CBL: variants seen among roughly 807,000 people sequenced by gnomAD.
CBL encodes the protein E3 ubiquitin-protein ligase CBL.
A neutral mutation model predicts 96.9 loss-of-function variants in CBL; 45 were observed. The ratio of observed to expected loss-of-function variants is 0.46; its 90% CI spans 0.37 to 0.60. The LOEUF is 0.60. Ranked by LOEUF, CBL falls within the 20% of genes least tolerant of loss-of-function variation. The probability of loss-of-function intolerance (pLI) is 0.00; values close to 1 mark genes in which losing one functional copy is unlikely to be tolerated. For synonymous variants in CBL, 420 were observed against 426.8 expected, an observed-to-expected ratio of 0.98 and a Z score of 0.20; for missense variants, 1,024 against 1,143.5, an observed-to-expected ratio of 0.90 and a Z score of 1.51.
chr11:119,292,506 C>T (rs1015932001), intron 12 of CBL, among the ~76,000 whole-genome samples: 6 of 151,734 alleles, frequency 4.0e-5, no homozygotes, highest in African/African-American at 1.2e-4. Context: ...CTGCAAGCTC[C>T]GCCTCCCGGG....
intron 1 of CBL, 31 bp downstream of exon 1, chr11:119,206,643 A>G (rs1035455462): frequency 7.1e-7 from 1 of 1,416,066 alleles, no homozygotes; most frequent in Non-Finnish European, 9.4e-7. Flanking sequence ...CCGCTGTTGC[A>G]GGGTGGGCGT....
Position 119,251,299 on chromosome 11 carries a change from C to T in CBL, c.443+18604C>T, listed in dbSNP as rs539733006. 2.6e-5 allele frequency among the ~76,000 whole-genome samples: 4 copies of T among 152,024 alleles called. 1 individual carries two copies. The South Asian group carries it at 6.2e-4, about 24-fold the overall frequency. On this transcript the variant is annotated intron_variant, in intron 2 of 15. Coordinates refer to ENST00000264033, the MANE Select transcript of CBL (RefSeq NM_005188.4). ...TTTTTCTCTTTAGAGTTGTGGACAC[C>T]GAGGCTCAGAGAGTTAGATTAACAT...
chr11:119,251,768 T>C (rs1470455754), intron 2 of CBL, among the ~76,000 whole-genome samples: 6 of 152,206 alleles, frequency 3.9e-5, no homozygotes, highest in Non-Finnish European at 5.9e-5. Flanking sequence ...TACGGTATTA[T>C]AGAGAAGTAG....
At chr11:119,231,231 C>G (rs1261790735) in intron 1 of CBL, among the ~76,000 whole-genome samples, 1 of 151,976 alleles carries the variant, frequency 6.6e-6, no homozygotes, top group Non-Finnish European at 1.5e-5. Flanking sequence ...GGCGAAACCC[C>G]ATCTCTACTA....
At chr11:119,223,118 A>G (rs1038234614) in intron 1 of CBL, among the ~76,000 whole-genome samples, 1 of 149,508 alleles carries the variant, frequency 6.7e-6, no homozygotes, top group African/African-American at 2.5e-5. Context: ...AGTTCAAAGC[A>G]TTTGAGGTAT....
At chr11:119,281,932 A>G (rs962089175) in intron 9 of CBL, among the ~76,000 whole-genome samples, 2 of 152,068 alleles carry the variant, frequency 1.3e-5, no homozygotes, top group Non-Finnish European at 2.9e-5. Flanking sequence ...TTGGATATTT[A>G]TGTCCTTTAA....
At chr11:119,268,884 A>G (rs1949822365) in intron 2 of CBL, among the ~76,000 whole-genome samples, 1 of 152,200 alleles carries the variant, frequency 6.6e-6, no homozygotes. Context: ...TTTTTCTATC[A>G]TCTCATTCAT....
intron 9 of CBL, among the ~76,000 whole-genome samples, chr11:119,281,272 G>A (rs1222305108): frequency 6.6e-6 from 1 of 151,910 alleles, no homozygotes; most frequent in Non-Finnish European, 1.5e-5. Context: ...TTGCTTCTTT[G>A]TTTATGTCCT....
chr11:119,268,404 G>A (rs1365722771), intron 2 of CBL, among the ~76,000 whole-genome samples: 1 of 152,208 alleles, frequency 6.6e-6, no homozygotes, highest in Non-Finnish European at 1.5e-5. Context: ...AAGCTAAGAA[G>A]ATTCTTCAGG....
intron 12 of CBL, 31 bp downstream of exon 12, chr11:119,287,977 T>C (rs1468789864): frequency 6.9e-7 from 1 of 1,448,868 alleles, no homozygotes; most frequent in East Asian, 2.3e-5. Context: ...TTTTGTACAG[T>C]GGAGTTGTTA....
intron 1 of CBL, among the ~76,000 whole-genome samples, chr11:119,217,687 A>AT (rs1054990162): frequency 1.2e-4 from 18 of 150,258 alleles, no homozygotes; most frequent in African/African-American, 2.4e-4. Flanking sequence ...AGCTTGGCGG[A>AT]TTTTTTTTTT....
Position 119,278,600 on chromosome 11 carries a change from G to A in CBL, c.1318G>A (p.Gly440Ser), listed in dbSNP as rs754194646. The A allele has an allele frequency of 1.9e-6, 3 of 1,613,982 alleles. No homozygotes were observed. The Admixed American group carries it at 5.0e-5, about 27-fold the overall frequency. Residue 440 changes from glycine (G) to serine (S), a missense_variant, in exon 9 of 16, where the codon GGC becomes AGC. Physicochemically the swap from Gly to Ser is moderately conservative, Grantham distance 56 (BLOSUM62 0). Around this residue, in one of 4 missense-constraint regions of CBL, gnomAD observed 695 missense variants for 661.6 expected, o/e 1.05. Transcript: ENST00000264033. ...AGATCCGTTTGATCCTAGAGGGAGT[G>A]GCAGCCTGTTGAGGCAAGGAGCAGA... ...VVDPFDPRGS[G>S]SLLRQGAEGA...
intron 2 of CBL, among the ~76,000 whole-genome samples, chr11:119,236,601 A>G (rs1021819784): frequency 7.3e-4 from 62 of 85,460 alleles, no homozygotes; most frequent in Non-Finnish European, 1.3e-3. Flanking sequence ...TTGAGTATAT[A>G]TATATATATA....
At chr11:119,280,766 C>T (rs572224729) in intron 9 of CBL, among the ~76,000 whole-genome samples, 1 of 152,236 alleles carries the variant, frequency 6.6e-6, no homozygotes, top group East Asian at 1.9e-4. Flanking sequence ...TTTCTGGATT[C>T]TTGATCTCTT....
intron 2 of CBL, among the ~76,000 whole-genome samples, chr11:119,254,009 AAAGG>A (rs1405919334): frequency 1.8e-4 from 27 of 146,136 alleles, no homozygotes; most frequent in African/African-American, 6.6e-4. Flanking sequence ...AAAAAAAAAA[AAAGG>A]ACATACACTG....
intron 2 of CBL, among the ~76,000 whole-genome samples, chr11:119,266,971 A>G (rs753557097): frequency 6.6e-6 from 1 of 152,142 alleles, no homozygotes; most frequent in Non-Finnish European, 1.5e-5. Context: ...TGCTGACAGA[A>G]TTTTTTCAAG....
At position 119,305,799 on chromosome 11, in the gene CBL, G is replaced by A; in HGVS notation, c.*6018G>A. On this transcript the variant is annotated 3_prime_UTR_variant, in exon 16 of 16. Coordinates refer to ENST00000264033, the MANE Select transcript of CBL (RefSeq NM_005188.4). Reference sequence around the variant, plus strand: ...ATGCTTTTGCTTGCCTAAATCTTTTGATCTTATATTTCTCTCATCTCAGAG... The same window carrying A: ...ATGCTTTTGCTTGCCTAAATCTTTTAATCTTATATTTCTCTCATCTCAGAG... The A allele has an allele frequency of 4.4e-6, 1 of 228,712 alleles. No individual in the cohort carries two copies. Among genetic ancestry groups the A allele is most frequent in the Non-Finnish European group, 8.7e-6 (1 of 115,304 alleles). 14.2% of individuals were successfully genotyped at this position (228,712 alleles called of 1,614,324 possible).
rs2135324319 is a variant in CBL, at chr11:119,302,642, G to C, written c.*2861G>C. The C allele has an allele frequency of 4.3e-6, 1 of 231,326 alleles. No individual in the cohort carries two copies. The highest frequency in any genetic ancestry group is 1.3e-3 in the Middle Eastern group (1 of 774). 14.3% of individuals were successfully genotyped at this position (231,326 alleles called of 1,614,324 possible). ...GTCTTCACGGATTGCTTTCCAAGCT[G>C]CCTTGTTGCGGGGTTGCTGCAGAGC... On this transcript the variant is annotated 3_prime_UTR_variant, in exon 16 of 16. Transcript: ENST00000264033.
At chr11:119,272,400 G>A (rs1282208076) in intron 3 of CBL, among the ~76,000 whole-genome samples, 3 of 152,198 alleles carry the variant, frequency 2.0e-5, no homozygotes, top group African/African-American at 7.2e-5. Context: ...GATTACAGGC[G>A]TGAGCCACCA....
Sources: gnomAD v4.1 joint callset for allele counts (sites outside exome capture counted in the v4.1 genomes callset) on GRCh38, gnomAD v4.1.1 for gene constraint, gnomAD v4.1.1 regional missense constraint, MANE v1.5 for transcripts, NCBI Gene and HGNC (gene_info 2026-07-23, HGNC 2026-07-21) for gene names.